POLR3C: variants seen among roughly 807,000 people sequenced by gnomAD.
The protein encoded by POLR3C is DNA-directed RNA polymerase III subunit RPC3.
POLR3C carries 44 observed loss-of-function variants against 65.9 expected under a neutral mutation model. The ratio of observed to expected loss-of-function variants is 0.67; its 90% confidence interval spans 0.52 to 0.86. The LOEUF is 0.86. Ranked by LOEUF, POLR3C falls within the 40% of genes least tolerant of loss-of-function variation. The pLI, the probability that POLR3C is intolerant of heterozygous loss-of-function variation, is 0.00. For synonymous variants in POLR3C, 263 were observed against 231.6 expected (o/e 1.14, Z -1.23); for missense variants, 576 against 653.2 (o/e 0.88, Z 1.29).
Position 145,839,940 on chromosome 1 carries a change from T to C in POLR3C, c.1272T>C (p.Tyr424=), listed in dbSNP as rs1553729955. Residue 424 remains tyrosine (Y), a synonymous_variant, in exon 12 of 15, where the codon TAT becomes TAC. Transcript: ENST00000334163. The part of the protein sequence containing the change: ...DHAPSRTFYL[Y]TVNILSAARM... ...CCCCATCCAGGACCTTCTATTTATA[T>C]ACTGTGAACATCCTGTCAGCTGCCC... 6.2e-7 allele frequency: 1 copy of C among 1,612,540 alleles called. No homozygotes were observed. The highest frequency in any genetic ancestry group is 1.7e-5 in the Admixed American group (1 of 60,012).
rs587616660 is a variant in POLR3C at position 145,842,589 on chromosome 1, C to T, written c.*169C>T. 87 of 645,190 alleles carry T rather than the reference C, an allele frequency of 1.3e-4. No individual in the cohort carries two copies. In the African/African-American group the frequency reaches 1.5e-3, roughly 11 times the overall value. The allele number at this position is 645,190 out of a possible 1,614,324, so 40.0% of individuals were successfully genotyped here. On this transcript the variant is annotated 3_prime_UTR_variant, in exon 15 of 15. Coordinates refer to ENST00000334163, the MANE Select transcript of POLR3C (RefSeq NM_006468.8). ...CTGAAAGAATTTGGCATATTTAGATCCATTGCTGTAGTCTCCCCTCATCAA... is the reference window on the plus strand; with the variant it reads ...CTGAAAGAATTTGGCATATTTAGATTCATTGCTGTAGTCTCCCCTCATCAA...
rs1651352369 is a variant in POLR3C, at chr1:145,831,844, C to A, written c.679-1416C>A. Among the ~76,000 whole-genome samples, 3 of 152,144 alleles carry A rather than the reference C, an allele frequency of 2.0e-5. No individual in the cohort carries two copies. The South Asian group carries it at 6.2e-4, about 31-fold the overall frequency. ...ATCGCTTGAGCCTAGGAATTTGAGA[C>A]CATCCTGAGCAACATGGTGAGACCG... On this transcript the variant is annotated intron_variant, in intron 5 of 14. Transcript: ENST00000334163.
chr1:145,830,351 G>A (rs1054666497), intron 5 of POLR3C, among the ~76,000 whole-genome samples: 17 of 151,894 alleles, frequency 1.1e-4, no homozygotes, highest in African/African-American at 3.9e-4. Context: ...TAGTAATCCA[G>A]ATGGGCCAAG....
At chr1:145,838,537 G>C (rs1360605979) in intron 11 of POLR3C, among the ~76,000 whole-genome samples, 1 of 151,964 alleles carries the variant, frequency 6.6e-6, no homozygotes, top group East Asian at 1.9e-4. Context: ...AAAACAATTA[G>C]CTGGGCCTGG....
rs1553730824 is a variant in POLR3C, at chr1:145,842,448, T to C, written c.*28T>C. ...CAGAAGAAGCATCTTCCTCAGAAGA[T>C]CTGGGGGGATGGAAAGCAAAATAAA... On this transcript the variant is annotated 3_prime_UTR_variant, in exon 15 of 15. Transcript: ENST00000334163. 1 of 1,465,848 alleles carries C rather than the reference T, an allele frequency of 6.8e-7. No individual in the cohort carries two copies. Among genetic ancestry groups the C allele is most frequent in the East Asian group, 2.3e-5 (1 of 44,256 alleles). The allele number at this position is 1,465,848 out of a possible 1,614,324, so 90.8% of individuals were successfully genotyped here. A position where few individuals can be genotyped will look rare whatever the true frequency, so the allele number is the denominator to read the frequency against.
Position 145,833,585 on chromosome 1 carries a change from G to A in POLR3C, c.876+3G>A, listed in dbSNP as rs782400288. On this transcript the variant is annotated splice_donor_region_variant and intron_variant, in intron 7 of 14. Transcript: ENST00000334163. ...CCCAGCCATTGTCTTCCAATGAGGTGAGTTTCATGTTCTTGCACTAACTTT... is the reference window on the plus strand; with the variant it reads ...CCCAGCCATTGTCTTCCAATGAGGTAAGTTTCATGTTCTTGCACTAACTTT... 6 of 1,572,850 alleles carry A rather than the reference G, an allele frequency of 3.8e-6. No individual in the cohort carries two copies. The highest frequency in any genetic ancestry group is 5.3e-6 in the Non-Finnish European group (6 of 1,142,418).
intron 7 of POLR3C, among the ~76,000 whole-genome samples, chr1:145,834,754 G>A (rs946158908): frequency 2.0e-5 from 3 of 152,140 alleles, no homozygotes; most frequent in Non-Finnish European, 2.9e-5. Context: ...AGTATAATAT[G>A]GGACCACAGC....
At chr1:145,835,051 CAGG>C (rs1356926839) in intron 7 of POLR3C, among the ~76,000 whole-genome samples, 9 of 146,622 alleles carry the variant, frequency 6.1e-5, no homozygotes, top group Non-Finnish European at 1.3e-4. Flanking sequence ...GAGGCTGAGG[CAGG>C]AGGATTGCTT....
Position 145,840,977 on chromosome 1 carries a change from A to T in POLR3C, c.1429A>T (p.Thr477Ser), listed in dbSNP as rs1553730375. 6.2e-7 allele frequency: 1 copy of T among 1,612,786 alleles called. No individual in the cohort carries two copies. Among genetic ancestry groups the T allele is most frequent in the Non-Finnish European group, 8.5e-7 (1 of 1,178,744 alleles). ...VEAIIASMQA[T>S]GAEEAQLQEI... Reference sequence around the variant, plus strand: ...AGCCATCATTGCATCTATGCAGGCTACTGGTGCAGAGGAAGCACAGTTACA... The same window carrying T: ...AGCCATCATTGCATCTATGCAGGCTTCTGGTGCAGAGGAAGCACAGTTACA... Residue 477 changes from threonine to serine, a missense_variant, in exon 14 of 15, where the codon ACT becomes TCT. Physicochemically the swap from Thr to Ser is moderately conservative, Grantham distance 58. Transcript: ENST00000334163.
Position 145,838,173 on chromosome 1 carries a change from T to C in POLR3C, c.1188T>C (p.Tyr396=). The C allele has an allele frequency of 6.2e-7, 1 of 1,613,840 alleles. No individual in the cohort carries two copies. Among genetic ancestry groups the C allele is most frequent in the East Asian group, 2.2e-5 (1 of 44,886 alleles). ...CAAAGGAGGCAAAGGATATGCTATATAAGATGCTCTCAGAAAATTTCATGT... is the reference window on the plus strand; with the variant it reads ...CAAAGGAGGCAAAGGATATGCTATACAAGATGCTCTCAGAAAATTTCATGT... The part of the protein sequence containing the change: ...IPAKEAKDML[Y]KMLSENFMSL... Residue 396 remains tyrosine, a synonymous_variant, in exon 11 of 15, where the codon TAT becomes TAC. Transcript: ENST00000334163.
chr1:145,825,622 T>G, intron 1 of POLR3C, 135 bp from the exon 2 acceptor site: 1 of 526,742 alleles, frequency 1.9e-6, no homozygotes, highest in Non-Finnish European at 3.3e-6. Flanking sequence ...GTTTCAAAGA[T>G]ATGCAAGATT....
intron 5 of POLR3C, among the ~76,000 whole-genome samples, chr1:145,832,860 A>G (rs587609312): frequency 6.6e-6 from 1 of 152,164 alleles, no homozygotes; most frequent in South Asian, 2.1e-4. Context: ...CAACTCTACT[A>G]AAAATACAAA....
chr1:145,833,542 C>G lies in POLR3C; in HGVS notation c.836C>G (p.Ser279Cys). The change falls in exon 7 of 15, where the codon TCC becomes TGC. Residue 279 changes from serine (S) to cysteine (C), a missense_variant. Ser to Cys is a moderately radical substitution (Grantham distance 112). Coordinates refer to ENST00000334163, the MANE Select transcript of POLR3C (RefSeq NM_006468.8). ...CTCCGAATGAGTGAGATTACCACTTCCTCTAGTGCTCCCTTCACCCAGCCA... is the reference window on the plus strand; with the variant it reads ...CTCCGAATGAGTGAGATTACCACTTGCTCTAGTGCTCCCTTCACCCAGCCA... The part of the protein sequence containing the change: ...TMLRMSEITT[S>C]SSAPFTQPLS... The G allele has an allele frequency of 6.2e-7, 1 of 1,613,244 alleles. No homozygotes were observed. Among genetic ancestry groups the G allele is most frequent in the Non-Finnish European group, 8.5e-7 (1 of 1,179,128 alleles).
Position 145,843,618 on chromosome 1 carries a change from A to C in POLR3C, c.*1198A>C, listed in dbSNP as rs1652450588. 6.6e-6 allele frequency among the ~76,000 whole-genome samples: 1 copy of C among 152,160 alleles called. No individual in the cohort carries two copies. The highest frequency in any genetic ancestry group is 6.6e-5 in the Admixed American group (1 of 15,260). ...TTTGAGCATACAGTCTAGTAGGAGG[A>C]GACAAATAAGTACATAAGTACCAGG... On this transcript the variant is annotated 3_prime_UTR_variant, in exon 15 of 15. Coordinates refer to ENST00000334163, the MANE Select transcript of POLR3C (RefSeq NM_006468.8).
At chr1:145,828,862 T>A (rs1553726494) in intron 5 of POLR3C, 25 bp downstream of exon 5, 15 of 1,276,202 alleles carry the variant, frequency 1.2e-5, no homozygotes, top group Non-Finnish European at 1.7e-5. Context: ...TGATTAGAAG[T>A]CCTCACCCTG....
At chr1:145,828,240 G>A (rs2101634064) in intron 4 of POLR3C, among the ~76,000 whole-genome samples, 1 of 152,304 alleles carries the variant, frequency 6.6e-6, no homozygotes, top group Non-Finnish European at 1.5e-5. Context: ...TTAGTACTTG[G>A]ATGGGAGACA....
At chr1:145,830,964 G>A (rs1651258511) in intron 5 of POLR3C, among the ~76,000 whole-genome samples, 1 of 151,696 alleles carries the variant, frequency 6.6e-6, no homozygotes, top group Admixed American at 6.6e-5. Context: ...ACCAGACCTG[G>A]TGGCACATGT....
rs1210795979 is a variant in POLR3C, at chr1:145,843,975, A to G, written c.*1555A>G. Among the ~76,000 whole-genome samples the G allele has an allele frequency of 1.3e-5, 2 of 152,216 alleles. No homozygotes were observed. The highest frequency in any genetic ancestry group is 4.8e-5 in the African/African-American group (2 of 41,458). ...TGGAAATCAAAATCAATGAGATAAC[A>G]TCTCACCCCAATTCATTACTTTTAT... is the stretch of plus-strand genomic sequence containing the variant. On this transcript the variant is annotated 3_prime_UTR_variant, in exon 15 of 15. Transcript: ENST00000334163.
chr1:145,838,932 T>C (rs1044779998), intron 11 of POLR3C, among the ~76,000 whole-genome samples: 5 of 152,202 alleles, frequency 3.3e-5, no homozygotes, highest in African/African-American at 1.2e-4. Context: ...TTAAGCAAGT[T>C]ACCACGTTTC....
Sources: allele counts gnomAD v4.1 joint callset (sites outside exome capture counted in the v4.1 genomes callset), GRCh38; gene constraint gnomAD v4.1.1; transcripts MANE v1.5; gene names NCBI Gene and HGNC (gene_info 2026-07-23, HGNC 2026-07-21).